The following LRBA variants were observed in gnomAD, a reference collection of about 807,000 sequenced individuals.
LRBA encodes LPS responsive beige-like anchor protein, also known as lipopolysaccharide-responsive and beige-like anchor protein.
A neutral mutation model predicts 330.0 loss-of-function variants in LRBA; 176 were observed. That is an observed-to-expected ratio of 0.53 (90% CI 0.47 to 0.60). The LOEUF is 0.60. Ranked by LOEUF, LRBA falls within the 20% of genes least tolerant of loss-of-function variation. The pLI, the probability that LRBA is intolerant of heterozygous loss-of-function variation, is 0.00. For synonymous variants in LRBA, 1,230 were observed against 1,193.0 expected, an observed-to-expected ratio of 1.03 and a Z score of -0.64; for missense variants, 3,259 against 3,444.8, an observed-to-expected ratio of 0.95 and a Z score of 1.35.
chr4:150,844,212 T>G lies in LRBA; in HGVS notation c.4462-5A>C. The G allele has an allele frequency of 6.6e-7, 1 of 1,518,454 alleles. No individual in the cohort carries two copies. The highest frequency in any genetic ancestry group is 1.2e-5 in the South Asian group (1 of 82,302). 94.1% of individuals were successfully genotyped at this position (1,518,454 alleles called of 1,614,324 possible). A position where few individuals can be genotyped will look rare whatever the true frequency, so the allele number is the denominator to read the frequency against. On this transcript the variant is annotated splice_region_variant and splice_polypyrimidine_tract_variant and intron_variant, in intron 27 of 56. Coordinates refer to ENST00000651943, the MANE Select transcript of LRBA (RefSeq NM_001364905.1). ...AGTCACAATGTCCACTGGGCTCTAT[T>G]TAAGATTAAAAAAAAATTGTATATA...
intron 31 of LRBA, 95 bp from the exon 32 acceptor site, chr4:150,808,493 T>A (rs1015248973): frequency 8.6e-6 from 6 of 695,596 alleles, no homozygotes; most frequent in Middle Eastern, 3.5e-4. Flanking sequence ...AATAAAAGCA[T>A]TATAACGTAT....
chr4:150,432,244 A>G (rs1750485850), intron 46 of LRBA, among the ~76,000 whole-genome samples: 1 of 152,008 alleles, frequency 6.6e-6, no homozygotes, highest in South Asian at 2.1e-4. Context: ...TTTAGGATCT[A>G]CTCAATAAAA....
chr4:150,765,228 G>C (rs996111394), intron 34 of LRBA, among the ~76,000 whole-genome samples: 1 of 152,046 alleles, frequency 6.6e-6, no homozygotes, highest in African/African-American at 2.4e-5. Flanking sequence ...AAACTATGGA[G>C]AAATGTAAAA....
chr4:150,481,963 T>C (rs1028691045), intron 42 of LRBA, among the ~76,000 whole-genome samples: 2 of 152,142 alleles, frequency 1.3e-5, no homozygotes, highest in Non-Finnish European at 2.9e-5. Context: ...ATTAGTATGA[T>C]ATACATTAAG....
At chr4:150,726,599 G>A (rs751081779) in intron 36 of LRBA, among the ~76,000 whole-genome samples, 3 of 152,106 alleles carry the variant, frequency 2.0e-5, no homozygotes, top group Non-Finnish European at 4.4e-5. Context: ...ATGGTCGAAG[G>A]GGAAACTGGC....
chr4:150,969,308 G>A (rs1320461391), intron 2 of LRBA, among the ~76,000 whole-genome samples: 1 of 152,204 alleles, frequency 6.6e-6, no homozygotes, highest in Admixed American at 6.5e-5. Context: ...ATAGAGCTGA[G>A]CAAAGTAAAC....
At chr4:150,571,661 T>TTG (rs1554057211) in intron 40 of LRBA, among the ~76,000 whole-genome samples, 1 of 146,562 alleles carries the variant, frequency 6.8e-6, no homozygotes, top group East Asian at 2.0e-4. Context: ...TTTTTTTTTT[T>TTG]TTTTTTTTTT....
chr4:150,900,306 G>A (rs1275635779), intron 13 of LRBA, 89 bp from the exon 14 acceptor site: 14 of 878,748 alleles, frequency 1.6e-5, no homozygotes, highest in Admixed American at 7.4e-5. Flanking sequence ...TTTTCACCAC[G>A]CTTCTTCCAA....
chr4:150,529,095 C>T (rs1162242310), intron 40 of LRBA, among the ~76,000 whole-genome samples: 1 of 152,176 alleles, frequency 6.6e-6, no homozygotes. Context: ...ATTTCCTCTT[C>T]CTCAGAAAGA....
chr4:150,520,307 A>C (rs1286923613), intron 40 of LRBA, among the ~76,000 whole-genome samples: 1 of 152,194 alleles, frequency 6.6e-6, no homozygotes, highest in African/African-American at 2.4e-5. Context: ...ATTGATAGAT[A>C]AATTTGGGGA....
chr4:150,974,959 G>A (rs1739984781), intron 2 of LRBA, among the ~76,000 whole-genome samples: 1 of 152,142 alleles, frequency 6.6e-6, no homozygotes, highest in Non-Finnish European at 1.5e-5. Context: ...CTTGTGGTCT[G>A]ACCCTAATAA....
At chr4:150,585,281 T>C (rs550138471) in intron 40 of LRBA, among the ~76,000 whole-genome samples, 1 of 152,328 alleles carries the variant, frequency 6.6e-6, no homozygotes, top group East Asian at 1.9e-4. Flanking sequence ...ATTTATAAAT[T>C]ACTTCCATTT....
At chr4:150,532,705 A>C (rs1032887654) in intron 40 of LRBA, among the ~76,000 whole-genome samples, 2 of 152,174 alleles carry the variant, frequency 1.3e-5, no homozygotes, top group Non-Finnish European at 2.9e-5. Context: ...CAGAAAGAGA[A>C]GAATGGGCAT....
intron 37 of LRBA, among the ~76,000 whole-genome samples, chr4:150,635,553 T>A (rs1396312902): frequency 6.6e-6 from 1 of 152,232 alleles, no homozygotes; most frequent in Non-Finnish European, 1.5e-5. Context: ...TTAAGGCTTG[T>A]TGTATATGAA....
intron 37 of LRBA, among the ~76,000 whole-genome samples, chr4:150,602,277 C>G (rs1401632881): frequency 1.3e-5 from 2 of 152,142 alleles, no homozygotes; most frequent in African/African-American, 4.8e-5. Flanking sequence ...GCTCCAGGTG[C>G]TACAGTGTAC....
Position 150,491,026 on chromosome 4 carries a change from A to G in LRBA, c.6340T>C (p.Tyr2114His), listed in dbSNP as rs1416851825. 6.4e-7 allele frequency: 1 copy of G among 1,567,534 alleles called. No individual in the cohort carries two copies. The highest frequency in any genetic ancestry group is 1.2e-5 in the South Asian group (1 of 86,034). The change falls in exon 41 of 57, where the codon TAT (tyrosine) becomes CAT (histidine). Residue 2114 changes from tyrosine to histidine, a missense_variant. Tyr to His is a moderately conservative substitution (Grantham distance 83). Transcript: ENST00000651943. ...CATTTTCCATGCAGCCCTTCTGTAT[A>G]TGCCAAGATCTAATGAGGAAAAAAA... ...FKKIDPKILA[Y>H]TEGLHGKWLF...
intron 47 of LRBA, among the ~76,000 whole-genome samples, chr4:150,376,035 A>G (rs1294563547): frequency 2.0e-5 from 3 of 152,218 alleles, no homozygotes; most frequent in Non-Finnish European, 4.4e-5. Flanking sequence ...GATAGGTAAA[A>G]ATAATTAATT....
At chr4:150,412,658 T>C (rs137970992) in intron 47 of LRBA, among the ~76,000 whole-genome samples, 8 of 152,190 alleles carry the variant, frequency 5.3e-5, no homozygotes, top group African/African-American at 1.9e-4. Context: ...GAAGTAAACA[T>C]ACTAACAAAC....
intron 40 of LRBA, among the ~76,000 whole-genome samples, chr4:150,540,711 T>C (rs972480958): frequency 1.3e-5 from 2 of 152,194 alleles, no homozygotes; most frequent in Non-Finnish European, 2.9e-5. Context: ...CTCAGTGATA[T>C]ACATGTGTCA....
Sources: gnomAD v4.1 joint callset for allele counts (sites outside exome capture counted in the v4.1 genomes callset) on GRCh38, gnomAD v4.1.1 for gene constraint, MANE v1.5 for transcripts, NCBI Gene and HGNC (gene_info 2026-07-23, HGNC 2026-07-21) for gene names.